The following ULK2 variants were observed in gnomAD, a reference collection of about 807,000 sequenced individuals.
The protein encoded by ULK2 is serine/threonine-protein kinase ULK2.
In ULK2, 76 loss-of-function variants were observed where a neutral mutation model predicts 127.5. The ratio of observed to expected loss-of-function variants is 0.60; its 90% CI spans 0.50 to 0.72. The LOEUF (loss-of-function observed/expected upper bound fraction) is 0.72, where lower values mean the gene tolerates loss of function less well. Among genes scored for constraint, ULK2 ranks in the 30% least tolerant of loss-of-function variants. The pLI is 0.00. For synonymous variants in ULK2, 452 were observed against 461.9 expected, an observed-to-expected ratio of 0.98 and a Z score of 0.28; for missense variants, 1,144 against 1,295.9, an observed-to-expected ratio of 0.88 and a Z score of 1.80.
At chr17:19,856,977 CAAAAAAAAAAAAA>C (rs1157706276) in intron 3 of ULK2, among the ~76,000 whole-genome samples, 27 of 21,326 alleles carry the variant, frequency 1.3e-3, no homozygotes, top group Middle Eastern at 0.062. Context: ...ACTCCATCTC[CAAAAAAAAAAAAA>C]AAAAAAAAAA....
Position 19,841,542 on chromosome 17 carries a change from A to G in ULK2, c.651T>C (p.Asn217=), listed in dbSNP as rs143784312. The change falls in exon 9 of 27, where the codon AAT becomes AAC. Residue 217 remains asparagine (N), a synonymous_variant. Transcript: ENST00000395544. ...CLVGKPPFQA[N]SPQDLRMFYE... ...AAAACATCCTTAAGTCTTGAGGACT[A>G]TTGGCCTATTAAAAAAAAAAAGGTT... The G allele has an allele frequency of 3.2e-6, 5 of 1,576,682 alleles. No individual in the cohort carries two copies. The highest frequency in any genetic ancestry group is 4.3e-6 in the Non-Finnish European group (5 of 1,169,072).
intron 10 of ULK2, among the ~76,000 whole-genome samples, chr17:19,834,824 C>G (rs997940138): frequency 6.6e-6 from 1 of 151,532 alleles, no homozygotes; most frequent in Non-Finnish European, 1.5e-5. Flanking sequence ...GCAAGAGGAT[C>G]ACTTGAGCCC....
intron 20 of ULK2, among the ~76,000 whole-genome samples, chr17:19,788,472 GA>G (rs1170458096): frequency 6.6e-6 from 1 of 151,822 alleles, no homozygotes; most frequent in Non-Finnish European, 1.5e-5. Context: ...AGCCAGAAGT[GA>G]ACTCACTGGC....
At chr17:19,784,687 C>T (rs2086991729) in intron 21 of ULK2, among the ~76,000 whole-genome samples, 1 of 151,810 alleles carries the variant, frequency 6.6e-6, no homozygotes, top group Admixed American at 6.6e-5. Context: ...CCATGTCTGG[C>T]TAATTTCTGT....
intron 26 of ULK2, among the ~76,000 whole-genome samples, 193 bp from the exon 27 acceptor site, chr17:19,776,600 A>C (rs149350936): frequency 2.6e-4 from 40 of 152,268 alleles, no homozygotes; most frequent in African/African-American, 9.4e-4. Context: ...CTAGCTTGCT[A>C]CATAACTAGC....
At chr17:19,833,146 A>C (rs1281751736) in intron 10 of ULK2, among the ~76,000 whole-genome samples, 7 of 135,454 alleles carry the variant, frequency 5.2e-5, no homozygotes, top group African/African-American at 1.8e-4. Flanking sequence ...AAAAAAAAAA[A>C]AAAACAGAAC....
chr17:19,783,643 A>G (rs2086965515), intron 22 of ULK2, 54 bp downstream of exon 22: 1 of 1,362,286 alleles, frequency 7.3e-7, no homozygotes, highest in East Asian at 2.7e-5. Context: ...CATCACTAGA[A>G]TGTTCTCATA....
At chr17:19,866,804 G>C (rs1313393759) in intron 1 of ULK2, among the ~76,000 whole-genome samples, 1 of 152,174 alleles carries the variant, frequency 6.6e-6, no homozygotes, top group Non-Finnish European at 1.5e-5. Flanking sequence ...TCGTCTATCT[G>C]ACTCCGGGGG....
At chr17:19,779,498 C>A (rs146962329) in intron 25 of ULK2, among the ~76,000 whole-genome samples, 3 of 137,470 alleles carry the variant, frequency 2.2e-5, no homozygotes, top group African/African-American at 8.4e-5. Context: ...TGCTGCTGCA[C>A]GTCAGCCTGG....
In ULK2 at chr17:19,796,181, A is replaced by G; in HGVS notation, c.1911T>C (p.Asn637=). 6.2e-7 allele frequency: 1 copy of G among 1,614,194 alleles called. No individual in the cohort carries two copies. The highest frequency in any genetic ancestry group is 8.5e-7 in the Non-Finnish European group (1 of 1,180,038). ...GPAEEQSKDG[N]EPRECAHCLL... ...GGCAATGGGCACATTCCCGTGGCTC[A>G]TTCCCATCTTTCGACTGTTCTTCAG... Residue 637 remains asparagine (N), a synonymous_variant, in exon 19 of 27, where the codon AAT becomes AAC. Transcript: ENST00000395544.
In ULK2 at chr17:19,867,519, G is replaced by T; in HGVS notation, c.-102C>A. 1.3e-6 allele frequency: 1 copy of T among 790,246 alleles called. No homozygotes were observed. 49.0% of individuals were successfully genotyped at this position (790,246 alleles called of 1,614,324 possible). ...GCCCGGAGCGCGCCAGCGTGCGGCGGGTCTGGGGCAGCCGCAGCCCCGGGC... is the reference window on the plus strand; with the variant it reads ...GCCCGGAGCGCGCCAGCGTGCGGCGTGTCTGGGGCAGCCGCAGCCCCGGGC... On this transcript the variant is annotated 5_prime_UTR_variant, in exon 1 of 27. Transcript: ENST00000395544.
At chr17:19,811,219 T>C (rs2087632661) in intron 13 of ULK2, 1 of 152,170 alleles carries the variant, frequency 6.6e-6, no homozygotes, top group Non-Finnish European at 1.5e-5. Context: ...TATTTGTCTA[T>C]AGGAGAATTG....
At chr17:19,862,758 G>A (rs1474891830) in intron 3 of ULK2, among the ~76,000 whole-genome samples, 1 of 152,062 alleles carries the variant, frequency 6.6e-6, no homozygotes, top group East Asian at 1.9e-4. Context: ...AAGCTACCGT[G>A]CCCAGCTGAA....
chr17:19,821,294 G>A (rs1226497114), intron 12 of ULK2, among the ~76,000 whole-genome samples: 1 of 152,106 alleles, frequency 6.6e-6, no homozygotes, highest in African/African-American at 2.4e-5. Context: ...GTGACAGAGT[G>A]AGACTCTGTC....
chr17:19,853,850 C>T (rs1214437445), intron 3 of ULK2, among the ~76,000 whole-genome samples: 1 of 151,798 alleles, frequency 6.6e-6, no homozygotes, highest in Non-Finnish European at 1.5e-5. Context: ...GGATTACAGG[C>T]GGGAGCCACC....
At chr17:19,834,530 A>G (rs112000749) in intron 10 of ULK2, among the ~76,000 whole-genome samples, 4,682 of 152,110 alleles carry the variant, frequency 0.031, 224 homozygotes, top group African/African-American at 0.11. Flanking sequence ...CAAAAAATAC[A>G]AAAAGAAAAA....
At chr17:19,788,105 C>T (rs747706267) in intron 20 of ULK2, among the ~76,000 whole-genome samples, 6 of 152,110 alleles carry the variant, frequency 3.9e-5, no homozygotes, top group Non-Finnish European at 7.4e-5. Context: ...CAAGCTAAAG[C>T]GCTCCGGGTC....
intron 14 of ULK2, 40 bp downstream of exon 14, chr17:19,810,331 AATAAAAT>A (rs1164684366): frequency 6.2e-6 from 8 of 1,280,186 alleles, no homozygotes; most frequent in South Asian, 4.0e-5. Context: ...TACTCACAAA[AATAAAAT>A]ATAAAACAAA....
At chr17:19,830,944 T>C (rs369411325) in intron 10 of ULK2, among the ~76,000 whole-genome samples, 2 of 151,294 alleles carry the variant, frequency 1.3e-5, no homozygotes, top group South Asian at 2.1e-4. Context: ...GGAGAATCGC[T>C]TGAACCCCGG....
Sources: allele counts gnomAD v4.1 joint callset (sites outside exome capture counted in the v4.1 genomes callset), GRCh38; gene constraint gnomAD v4.1.1; transcripts MANE v1.5; gene names NCBI Gene and HGNC (gene_info 2026-07-23, HGNC 2026-07-21).